IL1RAP: variants seen among roughly 807,000 people sequenced by gnomAD.
The protein encoded by IL1RAP is interleukin-1 receptor accessory protein.
A neutral mutation model predicts 60.7 loss-of-function variants in IL1RAP; 35 were observed. The observed-to-expected ratio is 0.58, with a 90% CI of 0.44 to 0.76. The LOEUF is 0.76. Ranked by LOEUF, IL1RAP falls within the 30% of genes least tolerant of loss-of-function variation. The pLI is 0.00. For missense variants in IL1RAP, 572 were observed against 693.9 expected (o/e 0.82, Z 1.97); for synonymous variants, 268 against 250.9 (o/e 1.07, Z -0.64).
chr3:190,558,977 C>T (rs1725661561), intron 2 of IL1RAP, among the ~76,000 whole-genome samples: 1 of 152,162 alleles, frequency 6.6e-6, no homozygotes, highest in Admixed American at 6.5e-5. Flanking sequence ...TGGTTCCCTG[C>T]TTAGGGTTTC....
At chr3:190,526,374 C>A (rs1722513607) in intron 1 of IL1RAP, among the ~76,000 whole-genome samples, 1 of 152,146 alleles carries the variant, frequency 6.6e-6, no homozygotes, top group African/African-American at 2.4e-5. Context: ...AAAAAGTAAA[C>A]CTGCACATTT....
At chr3:190,551,886 T>C (rs1172728126) in intron 1 of IL1RAP, among the ~76,000 whole-genome samples, 2 of 152,228 alleles carry the variant, frequency 1.3e-5, no homozygotes, top group Non-Finnish European at 2.9e-5. Context: ...CTTGTTATGA[T>C]TGATAGCATA....
chr3:190,590,278 C>T (rs980294709), intron 3 of IL1RAP, among the ~76,000 whole-genome samples: 14 of 149,764 alleles, frequency 9.3e-5, no homozygotes, highest in Admixed American at 2.0e-4. Context: ...TTTGGTGAGA[C>T]GGAGTCTTGC....
intron 1 of IL1RAP, among the ~76,000 whole-genome samples, chr3:190,541,822 A>G (rs947309763): frequency 6.6e-6 from 1 of 152,100 alleles, no homozygotes; most frequent in Non-Finnish European, 1.5e-5. Flanking sequence ...TATCACTTTA[A>G]CCAACCTATT....
At position 190,584,002 on chromosome 3, in the gene IL1RAP, A is replaced by G. The variant is rs180824728; in HGVS notation, c.64+19649A>G. ...AAAAACCACCACAGTTTAGGTACAG[A>G]AAGTCCCATTATCCTCCCAAATTTC... On this transcript the variant is annotated intron_variant, in intron 3 of 11. Transcript: ENST00000447382. Among the ~76,000 whole-genome samples the G allele has an allele frequency of 4.7e-4, 72 of 152,300 alleles. 1 individual carries two copies. The highest frequency in any genetic ancestry group is 1.7e-3 in the African/African-American group (69 of 41,560).
In IL1RAP at chr3:190,651,116, G is replaced by A. The variant is rs536758849; in HGVS notation, c.*2411G>A. 13 of 984,918 alleles carry A rather than the reference G, an allele frequency of 1.3e-5. No individual in the cohort carries two copies. The South Asian group carries it at 1.9e-4, about 14-fold the overall frequency. The allele number at this position is 984,918 out of a possible 1,614,324, so 61.0% of individuals were successfully genotyped here. A position where few individuals can be genotyped will look rare whatever the true frequency, so the allele number is the denominator to read the frequency against. On this transcript the variant is annotated 3_prime_UTR_variant, in exon 12 of 12. Coordinates refer to ENST00000447382, the MANE Select transcript of IL1RAP (RefSeq NM_002182.4). ...AAGATGGCCAATAGAGAACATTCAA[G>A]GGAAATGGGGAAACATAATTTAGAG...
chr3:190,550,954 A>T (rs192800212), intron 1 of IL1RAP, among the ~76,000 whole-genome samples: 65 of 152,368 alleles, frequency 4.3e-4, no homozygotes, highest in African/African-American at 1.5e-3. Context: ...GTACAGCAAG[A>T]ATATCTGTTT....
At chr3:190,535,184 A>G (rs975064297) in intron 1 of IL1RAP, among the ~76,000 whole-genome samples, 1 of 152,168 alleles carries the variant, frequency 6.6e-6, no homozygotes, top group African/African-American at 2.4e-5. Flanking sequence ...TTGACATATC[A>G]ACCCTGCGGC....
intron 11 of IL1RAP, among the ~76,000 whole-genome samples, chr3:190,646,278 G>GT (rs1443217260): frequency 6.6e-6 from 1 of 152,190 alleles, no homozygotes; most frequent in Non-Finnish European, 1.5e-5. Context: ...CTAAAAGTGA[G>GT]TGGCGGAAGA....
Position 190,564,534 on chromosome 3 carries a change from C to G in IL1RAP, c.64+181C>G, listed in dbSNP as rs902902515. ...TGATGATGGAAAGAACCATTGCTGTCTCTAGTCTTCATGGGATAGAGTACA... is the reference window on the plus strand; with the variant it reads ...TGATGATGGAAAGAACCATTGCTGTGTCTAGTCTTCATGGGATAGAGTACA... On this transcript the variant is annotated intron_variant, in intron 3 of 11. Coordinates refer to ENST00000447382, the MANE Select transcript of IL1RAP (RefSeq NM_002182.4). 6.5e-6 allele frequency: 4 copies of G among 617,114 alleles called. No individual in the cohort carries two copies. In the Admixed American group the frequency reaches 7.4e-5, roughly 11 times the overall value. The allele number at this position is 617,114 out of a possible 1,614,324, so 38.2% of individuals were successfully genotyped here. A position where few individuals can be genotyped will look rare whatever the true frequency, so the allele number is the denominator to read the frequency against.
intron 9 of IL1RAP, chr3:190,629,790 C>G: frequency 1.8e-6 from 2 of 1,082,218 alleles, no homozygotes; most frequent in Non-Finnish European, 2.2e-6. Flanking sequence ...AAATTAAAAA[C>G]AAAGAAAATA....
intron 3 of IL1RAP, among the ~76,000 whole-genome samples, chr3:190,603,083 A>G (rs1273188018): frequency 6.6e-6 from 1 of 152,170 alleles, no homozygotes; most frequent in African/African-American, 2.4e-5. Context: ...TAAAGAATAA[A>G]TTATAGAAGC....
chr3:190,535,488 T>C (rs1223218405), intron 1 of IL1RAP, among the ~76,000 whole-genome samples: 1 of 152,130 alleles, frequency 6.6e-6, no homozygotes, highest in Non-Finnish European at 1.5e-5. Flanking sequence ...TTAGTGCTAT[T>C]TTTTTTCTCT....
chr3:190,533,119 T>C (rs983782910), intron 1 of IL1RAP, among the ~76,000 whole-genome samples: 3 of 152,138 alleles, frequency 2.0e-5, no homozygotes, highest in African/African-American at 7.2e-5. Context: ...TGAATGCCCA[T>C]AGGTGTCTGT....
At chr3:190,621,064 G>A (rs1359930053) in intron 6 of IL1RAP, among the ~76,000 whole-genome samples, 5 of 152,204 alleles carry the variant, frequency 3.3e-5, no homozygotes, top group East Asian at 1.9e-4. Context: ...CCCAGAAATA[G>A]AGAAGTAGTG....
intron 1 of IL1RAP, among the ~76,000 whole-genome samples, chr3:190,542,853 C>T (rs959943821): frequency 6.7e-6 from 1 of 149,948 alleles, no homozygotes; most frequent in Non-Finnish European, 1.5e-5. Flanking sequence ...GAGTTATCCA[C>T]TGTAACATAC....
intron 3 of IL1RAP, among the ~76,000 whole-genome samples, chr3:190,585,767 G>A (rs1466724558): frequency 6.6e-6 from 1 of 151,748 alleles, no homozygotes; most frequent in Non-Finnish European, 1.5e-5. Flanking sequence ...AGCCAAGATT[G>A]CATCACTGCA....
chr3:190,598,852 T>C (rs1377333477), intron 3 of IL1RAP, among the ~76,000 whole-genome samples: 1 of 152,180 alleles, frequency 6.6e-6, no homozygotes, highest in Non-Finnish European at 1.5e-5. Flanking sequence ...TATTTCATAT[T>C]TGGTCGAGTC....
intron 1 of IL1RAP, chr3:190,520,533 C>G (rs1446112399): frequency 6.6e-6 from 1 of 152,044 alleles, no homozygotes; most frequent in Non-Finnish European, 1.5e-5. Flanking sequence ...CTGAAGTGCC[C>G]GTTTGCATAT....
Sources: gnomAD v4.1 joint callset for allele counts (sites outside exome capture counted in the v4.1 genomes callset) on GRCh38, gnomAD v4.1.1 for gene constraint, MANE v1.5 for transcripts, NCBI Gene and HGNC (gene_info 2026-07-23, HGNC 2026-07-21) for gene names.